The following IFT140 variants were observed in gnomAD, a reference collection of about 807,000 sequenced individuals.
IFT140 encodes intraflagellar transport protein 140 homolog.
A neutral mutation model predicts 164.6 loss-of-function variants in IFT140; 133 were observed. The ratio of observed to expected loss-of-function variants is 0.81; its 90% CI spans 0.70 to 0.93. The LOEUF is 0.93. Ranked by LOEUF, IFT140 falls within the 40% of genes least tolerant of loss-of-function variation. IFT140 has a pLI of 0.00. For missense variants in IFT140, 2,045 were observed against 1,972.3 expected, an observed-to-expected ratio of 1.04 and a Z score of -0.70; for synonymous variants, 860 against 817.3, an observed-to-expected ratio of 1.05 and a Z score of -0.89.
At chr16:1,558,896 C>T (rs1481409690) in intron 18 of IFT140, among the ~76,000 whole-genome samples, 1 of 152,230 alleles carries the variant, frequency 6.6e-6, no homozygotes, top group Non-Finnish European at 1.5e-5. Context: ...ACCTGCCTCC[C>T]CAGCTGCGCT....
chr16:1,538,300 T>C (rs1185664256), intron 19 of IFT140, among the ~76,000 whole-genome samples: 1 of 152,168 alleles, frequency 6.6e-6, no homozygotes, highest in Non-Finnish European at 1.5e-5. Context: ...CACAGGGCTG[T>C]GTGCCTGGAG....
intron 27 of IFT140, 55 bp downstream of exon 27, chr16:1,520,547 C>A: frequency 6.7e-7 from 1 of 1,499,810 alleles, no homozygotes; most frequent in Non-Finnish European, 9.0e-7. Flanking sequence ...GTGCAGGGGG[C>A]CCGCAGCCTA....
In IFT140 at chr16:1,610,825, C is replaced by T. The variant is rs2036296665; in HGVS notation, c.-193G>A. ...GGGCACGCACGTGCAGCTCCGAGGC[C>T]CGAGCGTCGGGGGCCAGGTTATTCC... is the stretch of plus-strand genomic sequence containing the variant. On this transcript the variant is annotated 5_prime_UTR_variant, in exon 2 of 31. Transcript: ENST00000426508. 6.5e-6 allele frequency: 1 copy of T among 153,556 alleles called. No homozygotes were observed. Among genetic ancestry groups the T allele is most frequent in the South Asian group, 2.0e-4 (1 of 4,886 alleles). 9.5% of individuals were successfully genotyped at this position (153,556 alleles called of 1,614,324 possible). A position where few individuals can be genotyped will look rare whatever the true frequency, so the allele number is the denominator to read the frequency against.
chr16:1,520,624 G>A lies in IFT140; in HGVS notation c.3638C>T (p.Thr1213Met), dbSNP rs1384059687. 4.4e-6 allele frequency: 7 copies of A among 1,594,750 alleles called. 1 individual carries two copies. Among genetic ancestry groups the A allele is most frequent in the South Asian group, 2.3e-5 (2 of 88,660 alleles). Residue 1213 changes from threonine to methionine, a missense_variant, in exon 27 of 31, where the codon ACG becomes ATG. By Grantham distance (81) the Thr-to-Met change is moderately conservative. Transcript: ENST00000426508. ...GSYHLATKKY[T>M]QAGNKLKAMR... ...CACCTTCAGCTTGTTGCCGGCCTGC[G>A]TGTACTTCTTGGTGGCCAGGTGGTA...
chr16:1,519,193 G>A (rs570743452), intron 29 of IFT140, among the ~76,000 whole-genome samples: 11 of 152,314 alleles, frequency 7.2e-5, no homozygotes, highest in African/African-American at 2.2e-4. Flanking sequence ...AAGGGGCACC[G>A]CTTTGTACGA....
intron 4 of IFT140, among the ~76,000 whole-genome samples, chr16:1,595,697 T>C (rs978758548): frequency 5.3e-5 from 8 of 151,868 alleles, no homozygotes; most frequent in South Asian, 4.1e-4. Flanking sequence ...GTACACGTCA[T>C]AGGAATAGTG....
chr16:1,541,324 C>T (rs1468808097), intron 19 of IFT140: 1 of 985,288 alleles, frequency 1.0e-6, no homozygotes, highest in Non-Finnish European at 1.2e-6. Context: ...ATGTCTGACC[C>T]CTGCTCAGCC....
At chr16:1,554,867 C>T (rs541762249) in intron 19 of IFT140, 21 of 1,614,232 alleles carry the variant, frequency 1.3e-5, no homozygotes, top group Non-Finnish European at 1.6e-5. Flanking sequence ...TGAACATTGG[C>T]GCCTGCCTTC....
At chr16:1,580,641 A>G in intron 13 of IFT140, 118 bp downstream of exon 13, 1 of 682,710 alleles carries the variant, frequency 1.5e-6, no homozygotes, top group Non-Finnish European at 2.6e-6. Flanking sequence ...GTAGTTCTTT[A>G]CACAGTGTGA....
At position 1,553,833 on chromosome 16, in the gene IFT140, G is replaced by T; in HGVS notation, c.2399+4102C>A. The T allele has an allele frequency of 8.3e-7, 1 of 1,209,754 alleles. No homozygotes were observed. Among genetic ancestry groups the T allele is most frequent in the Non-Finnish European group, 1.1e-6 (1 of 950,652 alleles). The allele number at this position is 1,209,754 out of a possible 1,614,324, so 74.9% of individuals were successfully genotyped here. A position where few individuals can be genotyped will look rare whatever the true frequency, so the allele number is the denominator to read the frequency against. On this transcript the variant is annotated intron_variant, in intron 19 of 30. Coordinates refer to ENST00000426508, the MANE Select transcript of IFT140 (RefSeq NM_014714.4). This position sits in a 1 kb window ranked among gnomAD's most constrained non-coding sequence, Gnocchi z 4.4. ...CTGGATTAGGACGCCCGGCTCCATC[G>T]CTGCGGCCACAGTGTCCTGTTATCC...
intron 15 of IFT140, among the ~76,000 whole-genome samples, chr16:1,567,769 C>T (rs943864088): frequency 2.0e-5 from 3 of 152,208 alleles, no homozygotes; most frequent in Non-Finnish European, 2.9e-5. Flanking sequence ...CCTGCCAGAC[C>T]CTTCCATGTG....
chr16:1,525,986 TG>T lies in IFT140; in HGVS notation c.2668del (p.Gln890ArgfsTer2). On this transcript the variant is annotated frameshift_variant, in exon 21 of 31. Coordinates refer to ENST00000426508, the MANE Select transcript of IFT140 (RefSeq NM_014714.4). LOFTEE classifies it high-confidence loss of function. ...QAAGRWQEAL[Q>X]VAEHHDRVHL... ...CACGCGATCGTGGTGCTCGGCTACC[TG>T]GAGGGCCTCCTGCCACCGGCCCGCA... is the stretch of plus-strand genomic sequence containing the variant. The T allele has an allele frequency of 6.3e-7, 1 of 1,596,002 alleles. No individual in the cohort carries two copies. The highest frequency in any genetic ancestry group is 8.5e-7 in the Non-Finnish European group (1 of 1,172,242).
rs373499004 is a variant in IFT140, at chr16:1,518,250, A to C, written c.4148T>G (p.Val1383Gly). The C allele has an allele frequency of 3.7e-6, 6 of 1,614,038 alleles. No individual in the cohort carries two copies. Among genetic ancestry groups the C allele is most frequent in the Non-Finnish European group, 5.1e-6 (6 of 1,180,030 alleles). ...TTCCTCCTTCCGCACGTAGTGCTCC[A>C]CCAGGAAGCCATAGACGTCCCCGAT... ...IRIGDVYGFL[V>G]EHYVRKEEYQ... The change falls in exon 30 of 31, where the codon GTG becomes GGG. Residue 1383 changes from valine to glycine, a missense_variant. By Grantham distance (109) the Val-to-Gly change is moderately radical. Coordinates refer to ENST00000426508, the MANE Select transcript of IFT140 (RefSeq NM_014714.4).
intron 19 of IFT140, chr16:1,541,292 TG>T (rs2031609940): frequency 1.1e-5 from 11 of 984,612 alleles, no homozygotes; most frequent in Non-Finnish European, 1.3e-5. Context: ...GGGGGGCAGG[TG>T]GGGGGCACTG....
At chr16:1,599,777 G>A (rs1230152107) in intron 4 of IFT140, among the ~76,000 whole-genome samples, 3 of 74,670 alleles carry the variant, frequency 4.0e-5, no homozygotes, top group Non-Finnish European at 7.2e-5. Context: ...CGGGAGGGAG[G>A]TGGGGGTGTC....
intron 19 of IFT140, among the ~76,000 whole-genome samples, chr16:1,546,971 G>A (rs1722543284): frequency 6.6e-6 from 1 of 152,194 alleles, no homozygotes; most frequent in Admixed American, 6.5e-5. Flanking sequence ...TCCCCCAGTC[G>A]GTGCTCACAT....
rs148240226 is a variant in IFT140 at position 1,524,905 on chromosome 16, C to T, written c.2876G>A (p.Arg959Gln). Residue 959 changes from arginine (R) to glutamine (Q), a missense_variant, in exon 23 of 31, where the codon CGG becomes CAG. By Grantham distance (43) the Arg-to-Gln change is conservative (BLOSUM62 1). Transcript: ENST00000426508. ...VNKMKDKTLW[R>Q]WWAQYLESQG... Reference sequence around the variant, plus strand: ...GCTCTCCAGGTACTGCGCCCACCACCGCCACAGGGTCCTGCGGGCAGCCCA... The same window carrying T: ...GCTCTCCAGGTACTGCGCCCACCACTGCCACAGGGTCCTGCGGGCAGCCCA... 4.6e-5 allele frequency: 74 copies of T among 1,608,210 alleles called. 1 individual carries two copies. Among genetic ancestry groups the T allele is most frequent in the East Asian group, 3.6e-4 (16 of 44,740 alleles).
At position 1,524,974 on chromosome 16, in the gene IFT140, G is replaced by A. The variant is rs573085319; in HGVS notation, c.2865-58C>T. ...CCGAGCCCCGCTCCAACCCGGGACG[G>A]CCCCCACCCCGCCCCTGTGCCACCC... On this transcript the variant is annotated intron_variant, in intron 22 of 30. Transcript: ENST00000426508. 1.5e-5 allele frequency: 23 copies of A among 1,562,872 alleles called. No individual in the cohort carries two copies. The East Asian group carries it at 4.8e-4, about 33-fold the overall frequency.
At chr16:1,529,277 G>A (rs1371919335) in intron 19 of IFT140, among the ~76,000 whole-genome samples, 1 of 152,248 alleles carries the variant, frequency 6.6e-6, no homozygotes, top group Non-Finnish European at 1.5e-5. Flanking sequence ...AGGAGAGGGT[G>A]TGTCCAAACC....
Sources: gnomAD v4.1 joint callset for allele counts (sites outside exome capture counted in the v4.1 genomes callset) on GRCh38, gnomAD v4.1.1 for gene constraint, Gnocchi (gnomAD v3.1) non-coding constraint, MANE v1.5 for transcripts, NCBI Gene and HGNC (gene_info 2026-07-23, HGNC 2026-07-21) for gene names.